GFPT1: variants seen among roughly 807,000 people sequenced by gnomAD.
GFPT1 encodes the protein glutamine--fructose-6-phosphate transaminase 1.
Under a neutral mutation model 92.0 loss-of-function variants are expected in GFPT1, and 40 were observed. That is an observed-to-expected ratio of 0.43 (90% CI 0.34 to 0.57). The LOEUF is 0.57. Among genes scored for constraint, GFPT1 ranks in the 20% least tolerant of loss-of-function variants. The pLI, the probability that GFPT1 is intolerant of heterozygous loss-of-function variation, is 0.02. For missense variants in GFPT1, 448 were observed against 869.1 expected (o/e 0.52, Z 6.09); for synonymous variants, 269 against 280.6 (o/e 0.96, Z 0.41).
At chr2:69,361,872 CAGG>C (rs1671480087) in intron 4 of GFPT1, among the ~76,000 whole-genome samples, 1 of 152,044 alleles carries the variant, frequency 6.6e-6, no homozygotes, top group African/African-American at 2.4e-5. Context: ...CCTAGCTACT[CAGG>C]AGGCTGAGGC....
At chr2:69,380,481 C>T (rs1271645800) in intron 1 of GFPT1, among the ~76,000 whole-genome samples, 1 of 152,190 alleles carries the variant, frequency 6.6e-6, no homozygotes, top group Non-Finnish European at 1.5e-5. Context: ...ACTATTGCCA[C>T]TAGAAGGGGC....
At chr2:69,356,330 G>A (rs1331180288) in intron 7 of GFPT1, among the ~76,000 whole-genome samples, 166 bp downstream of exon 7, 1 of 152,122 alleles carries the variant, frequency 6.6e-6, no homozygotes, top group African/African-American at 2.4e-5. Flanking sequence ...TTAAATGGAA[G>A]AGTGGTAAGC....
chr2:69,352,612 C>CAAAAAAAAAAAAAAAAAAAA (rs748958210), intron 9 of GFPT1, among the ~76,000 whole-genome samples: 2 of 47,386 alleles, frequency 4.2e-5, no homozygotes, highest in African/African-American at 7.6e-5. Flanking sequence ...GACTTCGTCT[C>CAAAAAAAAAAAAAAAAAAAA]AAAAAAAAAA....
At chr2:69,341,020 T>C (rs1242557611) in intron 13 of GFPT1, among the ~76,000 whole-genome samples, 1 of 151,568 alleles carries the variant, frequency 6.6e-6, no homozygotes, top group Non-Finnish European at 1.5e-5. Context: ...AGTTCAGCGG[T>C]GCAATCTAGG....
intron 2 of GFPT1, among the ~76,000 whole-genome samples, chr2:69,370,571 T>C (rs1375842579): frequency 3.3e-5 from 5 of 152,172 alleles, no homozygotes; most frequent in Admixed American, 6.5e-5. Flanking sequence ...AGAGAAGTGA[T>C]TCGGCAAAAA....
chr2:69,345,207 G>A (rs774070847), intron 12 of GFPT1, among the ~76,000 whole-genome samples: 34 of 152,094 alleles, frequency 2.2e-4, no homozygotes, highest in African/African-American at 8.2e-4. Context: ...GGTGAGCCGA[G>A]ATGGCACCAC....
At chr2:69,348,051 C>T (rs1225241404) in intron 11 of GFPT1, 120 bp downstream of exon 11, 3 of 845,046 alleles carry the variant, frequency 3.6e-6, no homozygotes, top group South Asian at 2.7e-5. Context: ...GTTGTCCCTT[C>T]ACTAATCATG....
rs371717987 is a variant in GFPT1 at position 69,328,255 on chromosome 2, C to A, written c.1893+16G>T. On this transcript the variant is annotated intron_variant, in intron 18 of 19. Transcript: ENST00000357308. ...CTCTTTGATCCCCAAGGTGTTCTCA[C>A]AGTCCCCCGACTTACCTGCCGAGCA... The A allele has an allele frequency of 1.9e-6, 3 of 1,606,698 alleles. No individual in the cohort carries two copies. Among genetic ancestry groups the A allele is most frequent in the African/African-American group, 1.3e-5 (1 of 74,868 alleles).
rs1670604023 is a variant in GFPT1, at chr2:69,329,318, A to G, written c.1704T>C (p.Ala568=). ...TTACCAGTGCCCCTTCAAGACAAGT[A>G]GCATAATGATAGCCTCGTCCCATTA... ...VLIMGRGYHY[A]TCLEGALKIK... is the part of the protein sequence containing the mutation. Residue 568 remains alanine, a synonymous_variant, in exon 17 of 20, where the codon GCT becomes GCC. Transcript: ENST00000357308. 6.2e-7 allele frequency: 1 copy of G among 1,613,794 alleles called. No homozygotes were observed. The highest frequency in any genetic ancestry group is 8.5e-7 in the Non-Finnish European group (1 of 1,179,668).
chr2:69,339,635 C>T (rs1670887924), intron 13 of GFPT1, among the ~76,000 whole-genome samples: 1 of 152,246 alleles, frequency 6.6e-6, no homozygotes, highest in South Asian at 2.1e-4. Context: ...AGGCAAGTGG[C>T]CCTCCCCATC....
At chr2:69,374,798 G>T (rs1264867396) in intron 1 of GFPT1, among the ~76,000 whole-genome samples, 1 of 152,126 alleles carries the variant, frequency 6.6e-6, no homozygotes, top group East Asian at 1.9e-4. Context: ...CTGTACCAAT[G>T]AGATTAATTT....
At chr2:69,351,193 T>C (rs1478914159) in intron 9 of GFPT1, among the ~76,000 whole-genome samples, 4 of 152,232 alleles carry the variant, frequency 2.6e-5, no homozygotes, top group East Asian at 1.9e-4. Context: ...TAGGGTCTTT[T>C]TGCAAAGCTA....
intron 1 of GFPT1, 126 bp downstream of exon 1, chr2:69,386,939 T>C (rs1312916621): frequency 9.0e-6 from 7 of 777,384 alleles, no homozygotes; most frequent in South Asian, 5.8e-5. Flanking sequence ...TGGGCGCCCC[T>C]TGCCCATCAC....
At chr2:69,360,815 A>G (rs1232038822) in intron 4 of GFPT1, among the ~76,000 whole-genome samples, 2 of 151,796 alleles carry the variant, frequency 1.3e-5, no homozygotes, top group Admixed American at 6.6e-5. Context: ...GCTCACTGCA[A>G]CCTCCACCTC....
rs58848043 is a variant in GFPT1 at position 69,364,994 on chromosome 2, C to CAAAAA, written c.224-1329_224-1325dup. 3.4e-4 allele frequency among the ~76,000 whole-genome samples: 15 copies of CAAAAA among 44,156 alleles called. 1 individual carries two copies. Among genetic ancestry groups the CAAAAA allele is most frequent in the African/African-American group, 8.9e-4 (11 of 12,308 alleles). 29.0% of individuals were successfully genotyped at this position (44,156 alleles called of 152,430 possible). On this transcript the variant is annotated intron_variant, in intron 3 of 19. Transcript: ENST00000357308. ...TGGGTGACAGAGCGAGACTCCCTCT[C>CAAAAA]AAAAAAAAAAAAAAAAAAAAAAAAA...
At chr2:69,380,504 C>G (rs572207725) in intron 1 of GFPT1, among the ~76,000 whole-genome samples, 3 of 152,288 alleles carry the variant, frequency 2.0e-5, no homozygotes, top group East Asian at 3.9e-4. Flanking sequence ...CATGACACGT[C>G]TCTTGCACAT....
Position 69,370,077 on chromosome 2 carries a change from A to G in GFPT1, c.147T>C (p.Asp49=), listed in dbSNP as rs2230300. ...GGATTTTGCAGGCATTGGCTTCCCA[A>G]TCTTTATCATTGCCTCCATCAAATC... ...GVGFDGGNDK[D]WEANACKIQL... Residue 49 remains aspartate (D), a synonymous_variant, in exon 3 of 20, where the codon GAT becomes GAC. Transcript: ENST00000357308. 0.02 allele frequency: 32,310 copies of G among 1,610,460 alleles called. 431 individuals carry two copies. The highest frequency in any genetic ancestry group is 0.024 in the Non-Finnish European group (28,193 of 1,176,682).
intron 12 of GFPT1, among the ~76,000 whole-genome samples, chr2:69,343,872 C>T (rs1574056176): frequency 6.6e-6 from 1 of 151,878 alleles, no homozygotes; most frequent in Admixed American, 6.6e-5. Flanking sequence ...AAAACAAAAC[C>T]AAACAAAATA....
chr2:69,343,731 CTTAG>C (rs947765737), intron 12 of GFPT1, among the ~76,000 whole-genome samples: 35 of 152,196 alleles, frequency 2.3e-4, no homozygotes, highest in African/African-American at 7.7e-4. Flanking sequence ...TCTTTTTTAT[CTTAG>C]TTAGTTATAC....
Sources: gnomAD v4.1 joint callset for allele counts (sites outside exome capture counted in the v4.1 genomes callset) on GRCh38, gnomAD v4.1.1 for gene constraint, MANE v1.5 for transcripts, NCBI Gene and HGNC (gene_info 2026-07-23, HGNC 2026-07-21) for gene names.